DHRS3: variants seen among roughly 807,000 people sequenced by gnomAD.
DHRS3 encodes the protein short-chain dehydrogenase/reductase 3.
Under a neutral mutation model 27.2 loss-of-function variants are expected in DHRS3, and 14 were observed. The ratio of observed to expected loss-of-function variants is 0.52; its 90% CI spans 0.34 to 0.81. The LOEUF (loss-of-function observed/expected upper bound fraction) is 0.81. Among genes scored for constraint, DHRS3 ranks in the 30% least tolerant of loss-of-function variants. DHRS3 has a pLI of 0.01. For missense variants in DHRS3, 322 were observed against 406.2 expected (o/e 0.79, Z 1.78); for synonymous variants, 165 against 175.9 (o/e 0.94, Z 0.49).
At chr1:12,609,674 A>G (rs998594592) in intron 1 of DHRS3, among the ~76,000 whole-genome samples, 2 of 152,034 alleles carry the variant, frequency 1.3e-5, no homozygotes, top group Admixed American at 1.3e-4. Flanking sequence ...CCCTGGCCTG[A>G]CACCTCCACC....
intron 1 of DHRS3, among the ~76,000 whole-genome samples, chr1:12,602,730 G>A (rs1264385994): frequency 1.3e-5 from 2 of 152,246 alleles, no homozygotes; most frequent in African/African-American, 4.8e-5. Flanking sequence ...TTTCAGATGA[G>A]GGAACCAAAG....
chr1:12,602,253 C>G (rs1204883913), intron 1 of DHRS3, among the ~76,000 whole-genome samples: 1 of 152,176 alleles, frequency 6.6e-6, no homozygotes, highest in Non-Finnish European at 1.5e-5. Context: ...GTACCCCTGA[C>G]CAGCCTCAGC....
At chr1:12,610,711 A>T (rs1020418173) in intron 1 of DHRS3, among the ~76,000 whole-genome samples, 1 of 152,104 alleles carries the variant, frequency 6.6e-6, no homozygotes, top group Non-Finnish European at 1.5e-5. Context: ...GTCTAAATAG[A>T]CTCACTTTTC....
intron 4 of DHRS3, among the ~76,000 whole-genome samples, chr1:12,575,456 C>A (rs538029183): frequency 6.6e-6 from 1 of 152,220 alleles, no homozygotes; most frequent in African/African-American, 2.4e-5. Flanking sequence ...ACCCATTTAA[C>A]CCTGGGAGGC....
chr1:12,571,697 A>AT lies in DHRS3; in HGVS notation c.824+1030dup, dbSNP rs941306473. On this transcript the variant is annotated intron_variant, in intron 5 of 5. Coordinates refer to ENST00000616661, the MANE Select transcript of DHRS3 (RefSeq NM_004753.7). ...AGGCACACGCCACCACACCCAGCTAATTTTTTTTGTATTTTTAGTACAGAC... is the reference window on the plus strand; with the variant it reads ...AGGCACACGCCACCACACCCAGCTAATTTTTTTTTGTATTTTTAGTACAGAC... Among the ~76,000 whole-genome samples the AT allele has an allele frequency of 8.6e-5, 13 of 151,228 alleles. No homozygotes were observed. The South Asian group carries it at 2.3e-3, about 27-fold the overall frequency.
Position 12,608,787 on chromosome 1 carries a change from A to C in DHRS3, c.195+8367T>G, listed in dbSNP as rs1646888040. On this transcript the variant is annotated intron_variant, in intron 1 of 5. Coordinates refer to ENST00000616661, the MANE Select transcript of DHRS3 (RefSeq NM_004753.7). This position sits in a 1 kb window ranked among gnomAD's most constrained non-coding sequence, Gnocchi z 4.1. ...ATTTTCGAGCCCTCCCCACGGGCCT[A>C]GCATGGGCCTCCAGAACCATCTAGA... Among the ~76,000 whole-genome samples, 1 of 152,174 alleles carries C rather than the reference A, an allele frequency of 6.6e-6. No homozygotes were observed. Among genetic ancestry groups the C allele is most frequent in the African/African-American group, 2.4e-5 (1 of 41,452 alleles).
At chr1:12,584,994 GGTGT>G (rs1328857895) in intron 1 of DHRS3, among the ~76,000 whole-genome samples, 1 of 146,742 alleles carries the variant, frequency 6.8e-6, no homozygotes, top group African/African-American at 2.5e-5. Flanking sequence ...TGTGTCTGTG[GGTGT>G]GTGTCTGTGT....
intron 1 of DHRS3, among the ~76,000 whole-genome samples, chr1:12,598,699 C>G (rs933851175): frequency 2.0e-5 from 3 of 152,168 alleles, no homozygotes; most frequent in African/African-American, 4.8e-5. Flanking sequence ...TCCAAAACAT[C>G]AGACCTATGA....
At chr1:12,613,208 C>T (rs962848546) in intron 1 of DHRS3, among the ~76,000 whole-genome samples, 5 of 152,246 alleles carry the variant, frequency 3.3e-5, no homozygotes, top group Middle Eastern at 3.4e-3. Context: ...AGGATCTTCC[C>T]GTAGTCTTTT....
intron 4 of DHRS3, among the ~76,000 whole-genome samples, chr1:12,576,769 G>C (rs915908877): frequency 6.6e-6 from 1 of 151,162 alleles, no homozygotes; most frequent in Middle Eastern, 3.2e-3. Context: ...CAGGTGGTCT[G>C]CTAGGAAAAT....
intron 1 of DHRS3, among the ~76,000 whole-genome samples, chr1:12,583,442 ATC>A (rs1646663813): frequency 7.6e-6 from 1 of 131,438 alleles, no homozygotes; most frequent in Non-Finnish European, 1.6e-5. Context: ...CCATCCATCC[ATC>A]CACTCACCTA....
At chr1:12,615,694 C>T (rs78831455) in intron 1 of DHRS3, among the ~76,000 whole-genome samples, 63 of 152,246 alleles carry the variant, frequency 4.1e-4, no homozygotes, top group African/African-American at 1.5e-3. Context: ...CCAAACCCCA[C>T]GTCCGCCCCA....
At position 12,579,255 on chromosome 1, in the gene DHRS3, C is replaced by T. The variant is rs1379153407; in HGVS notation, c.459+38G>A. On this transcript the variant is annotated intron_variant, in intron 3 of 5. Coordinates refer to ENST00000616661, the MANE Select transcript of DHRS3 (RefSeq NM_004753.7). ...CCCTCCATCCTGCCTGGGCTCCCTG[C>T]ACGCCCGGGGCTGGCTCTGGCCCCG... 2.5e-6 allele frequency: 4 copies of T among 1,613,914 alleles called. No homozygotes were observed. In the South Asian group the frequency reaches 3.3e-5, roughly 13 times the overall value.
In DHRS3 at chr1:12,593,573, C is replaced by A. The variant is rs1254736855; in HGVS notation, c.196-12907G>T. On this transcript the variant is annotated intron_variant, in intron 1 of 5. Transcript: ENST00000616661. The surrounding 1 kb of genome is among the most constrained non-coding windows in gnomAD (Gnocchi z 4.6). ...CTTCATGTAAAATGCCCCAACCCCA[C>A]AAACACCAGCTCTGATTTGATTTAC... Among the ~76,000 whole-genome samples the A allele has an allele frequency of 2.0e-5, 3 of 152,234 alleles. No individual in the cohort carries two copies. The highest frequency in any genetic ancestry group is 2.9e-5 in the Non-Finnish European group (2 of 68,002).
intron 1 of DHRS3, among the ~76,000 whole-genome samples, chr1:12,587,437 T>C (rs560399490): frequency 6.6e-6 from 1 of 152,178 alleles, no homozygotes; most frequent in Non-Finnish European, 1.5e-5. Flanking sequence ...AGCCACCAGG[T>C]CACTGGAAGT....
chr1:12,590,867 A>G (rs1309560349), intron 1 of DHRS3, among the ~76,000 whole-genome samples: 2 of 152,180 alleles, frequency 1.3e-5, no homozygotes, highest in African/African-American at 4.8e-5. Flanking sequence ...ACTGATCCAC[A>G]ATGATCAGGT....
At position 12,579,456 on chromosome 1, in the gene DHRS3, C is replaced by A. The variant is rs771388275; in HGVS notation, c.340-44G>T. 4 of 1,605,744 alleles carry A rather than the reference C, an allele frequency of 2.5e-6. No homozygotes were observed. The Admixed American group carries it at 6.8e-5, about 27-fold the overall frequency. Reference sequence around the variant, plus strand: ...CACGGGGCCATGAGGGCAGCCAGCCCAGGGCCAACGATATATGTTTTTTGT... The same window carrying A: ...CACGGGGCCATGAGGGCAGCCAGCCAAGGGCCAACGATATATGTTTTTTGT... On this transcript the variant is annotated intron_variant, in intron 2 of 5. Coordinates refer to ENST00000616661, the MANE Select transcript of DHRS3 (RefSeq NM_004753.7).
chr1:12,575,080 A>G (rs1042930456), intron 4 of DHRS3, among the ~76,000 whole-genome samples: 1 of 152,188 alleles, frequency 6.6e-6, no homozygotes, highest in Non-Finnish European at 1.5e-5. Flanking sequence ...TAACCCCAGC[A>G]CTTTGGGAGG....
intron 1 of DHRS3, 84 bp downstream of exon 1, chr1:12,617,070 G>A (rs1286586579): frequency 9.6e-6 from 14 of 1,451,848 alleles, no homozygotes; most frequent in African/African-American, 2.8e-5. Context: ...CTCAGCTCCC[G>A]GGCGCGGGAT....
Sources: gnomAD v4.1 joint callset for allele counts (sites outside exome capture counted in the v4.1 genomes callset) on GRCh38, gnomAD v4.1.1 for gene constraint, Gnocchi (gnomAD v3.1) non-coding constraint, MANE v1.5 for transcripts, NCBI Gene and HGNC (gene_info 2026-07-23, HGNC 2026-07-21) for gene names.